The following IL17RB variants were observed in gnomAD, a reference collection of about 807,000 sequenced individuals.
The protein encoded by IL17RB is interleukin-17 receptor B.
Under a neutral mutation model 43.9 loss-of-function variants are expected in IL17RB, and 36 were observed. The ratio of observed to expected loss-of-function variants is 0.82; its 90% CI spans 0.63 to 1.08. The LOEUF is 1.08. Among genes scored for constraint, IL17RB ranks in the 50% least tolerant of loss-of-function variants. The pLI is 0.00. For synonymous variants in IL17RB, 225 were observed against 225.4 expected (o/e 1.00, Z 0.02); for missense variants, 613 against 613.6 (o/e 1.00, Z 0.01).
At chr3:53,847,212 C>A (rs554996640) in intron 1 of IL17RB, among the ~76,000 whole-genome samples, 4 of 152,104 alleles carry the variant, frequency 2.6e-5, no homozygotes, top group Non-Finnish European at 5.9e-5. Flanking sequence ...GATACCGCTG[C>A]CCTCTTAGAA....
rs1699026487 is a variant in IL17RB, at chr3:53,848,682, G to A, written c.79G>A (p.Glu27Lys). 6.2e-7 allele frequency: 1 copy of A among 1,614,006 alleles called. No individual in the cohort carries two copies. ...PREPTVQCGSETGPSPEWMLQ... is the reference protein window; with the variant it reads ...PREPTVQCGSKTGPSPEWMLQ... ...CCCACAGACCGTTCAATGTGGCTCT[G>A]AAACTGGTAGGTGCATTAGAGAATG... is the stretch of plus-strand genomic sequence containing the variant. Residue 27 changes from glutamate (E) to lysine (K), a missense_variant, in exon 2 of 11, where the codon GAA becomes AAA. By Grantham distance (56) the Glu-to-Lys change is moderately conservative (BLOSUM62 1). Coordinates refer to ENST00000288167, the MANE Select transcript of IL17RB (RefSeq NM_018725.4).
intron 1 of IL17RB, 98 bp downstream of exon 1, chr3:53,846,746 C>T: frequency 3.1e-6 from 4 of 1,287,204 alleles, no homozygotes; most frequent in African/African-American, 1.5e-5. Context: ...CGAAGGCGTG[C>T]GCGGACTGCC....
At chr3:53,850,529 C>T (rs894738587) in intron 3 of IL17RB, among the ~76,000 whole-genome samples, 8 of 132,236 alleles carry the variant, frequency 6.0e-5, no homozygotes, top group South Asian at 2.5e-4. Flanking sequence ...AAAGACCAGG[C>T]GTGGTGGCGC....
intron 10 of IL17RB, 64 bp from the exon 11 acceptor site, chr3:53,864,682 G>T: frequency 8.1e-7 from 1 of 1,239,834 alleles, no homozygotes; most frequent in South Asian, 1.4e-5. Context: ...GTCAGGGATG[G>T]TTTACAGAGT....
intron 5 of IL17RB, among the ~76,000 whole-genome samples, 189 bp from the exon 6 acceptor site, chr3:53,855,105 A>C (rs1279699422): frequency 5.8e-5 from 8 of 138,874 alleles, no homozygotes; most frequent in Non-Finnish European, 1.1e-4. Context: ...CGACAGAGCA[A>C]GACTCCGGCT....
At position 53,858,828 on chromosome 3, in the gene IL17RB, C is replaced by A; in HGVS notation, c.847+10C>A. The A allele has an allele frequency of 2.5e-6, 4 of 1,600,810 alleles. No individual in the cohort carries two copies. Among genetic ancestry groups the A allele is most frequent in the Non-Finnish European group, 3.4e-6 (4 of 1,168,004 alleles). Reference sequence around the variant, plus strand: ...TTCCCTCTGGATAACAGTAAGTGCCCAGTAACTTCAACCAGATGATCAAAG... The same window carrying A: ...TTCCCTCTGGATAACAGTAAGTGCCAAGTAACTTCAACCAGATGATCAAAG... On this transcript the variant is annotated intron_variant, in intron 9 of 10. Coordinates refer to ENST00000288167, the MANE Select transcript of IL17RB (RefSeq NM_018725.4).
Position 53,860,151 on chromosome 3 carries a change from G to A in IL17RB, c.869G>A (p.Trp290Ter), listed in dbSNP as rs1333692363. 1.2e-6 allele frequency: 2 copies of A among 1,614,000 alleles called. No individual in the cohort carries two copies. Among genetic ancestry groups the A allele is most frequent in the Admixed American group, 1.7e-5 (1 of 60,028 alleles). The change falls in exon 10 of 11, where the codon TGG becomes TAG. Residue 290 changes from tryptophan to a stop codon, truncating the protein, a stop_gained. Transcript: ENST00000288167. LOFTEE classifies it high-confidence loss of function. ...CCAGACAAAAGCAAGCCGGGAGGCT[G>A]GCTGCCTCTCCTCCTGCTGTCTCTG... is the stretch of plus-strand genomic sequence containing the variant. ...LDNNKSKPGG[W>*]LPLLLLSLLV... is the part of the protein sequence containing the mutation.
At chr3:53,863,528 C>A (rs1699648941) in intron 10 of IL17RB, among the ~76,000 whole-genome samples, 1 of 152,180 alleles carries the variant, frequency 6.6e-6, no homozygotes, top group Non-Finnish European at 1.5e-5. Flanking sequence ...GCACCTGGAC[C>A]TCAGGAATTC....
At position 53,858,739 on chromosome 3, in the gene IL17RB, T is replaced by C. The variant is rs1699445149; in HGVS notation, c.768T>C (p.Thr256=). Residue 256 remains threonine (T), a synonymous_variant, in exon 9 of 11, where the codon ACT becomes ACC. Transcript: ENST00000288167. ...ATVQLTPYFP[T]CGSDCIRHKG... Reference sequence around the variant, plus strand: ...CTCAGCTGACTCCATATTTTCCTACTTGTGGCAGCGACTGCATCCGACATA... The same window carrying C: ...CTCAGCTGACTCCATATTTTCCTACCTGTGGCAGCGACTGCATCCGACATA... 1 of 1,614,166 alleles carries C rather than the reference T, an allele frequency of 6.2e-7. No homozygotes were observed.
At chr3:53,858,577 G>C in intron 8 of IL17RB, 142 bp from the exon 9 acceptor site, 3 of 1,453,082 alleles carry the variant, frequency 2.1e-6, no homozygotes, top group Non-Finnish European at 2.7e-6. Context: ...ACAGATGTGT[G>C]ACCAAGGGGA....
At chr3:53,859,084 G>A in intron 9 of IL17RB, 1 of 337,712 alleles carries the variant, frequency 3.0e-6, no homozygotes, top group Non-Finnish European at 5.4e-6. Context: ...GTGCAAAATG[G>A]ATGTTCTGAG....
chr3:53,859,905 C>A, intron 9 of IL17RB: 1 of 424,824 alleles, frequency 2.4e-6, no homozygotes, highest in Non-Finnish European at 4.3e-6. Context: ...CCCAGCTACT[C>A]AGGAGGCTGA....
intron 3 of IL17RB, among the ~76,000 whole-genome samples, chr3:53,850,251 C>T (rs961868849): frequency 6.6e-6 from 1 of 152,178 alleles, no homozygotes; most frequent in African/African-American, 2.4e-5. Flanking sequence ...AATCCCAGCA[C>T]TTTGGGAGGC....
chr3:53,849,764 G>A lies in IL17RB; in HGVS notation c.195G>A (p.Leu65=), dbSNP rs1382810091. Residue 65 remains leucine (L), a synonymous_variant, in exon 3 of 11, where the codon TTG becomes TTA. Coordinates refer to ENST00000288167, the MANE Select transcript of IL17RB (RefSeq NM_018725.4). ...TTGCAACAGGGGACTATTCAATTTTGATGAATGTAAGCTGGGTACTCCGGG... is the reference window on the plus strand; with the variant it reads ...TTGCAACAGGGGACTATTCAATTTTAATGAATGTAAGCTGGGTACTCCGGG... ...TSVATGDYSI[L]MNVSWVLRAD... 6.2e-7 allele frequency: 1 copy of A among 1,611,042 alleles called. No homozygotes were observed. Among genetic ancestry groups the A allele is most frequent in the Admixed American group, 1.7e-5 (1 of 59,674 alleles).
At chr3:53,853,068 G>T in intron 5 of IL17RB, 71 bp downstream of exon 5, 1 of 1,584,552 alleles carries the variant, frequency 6.3e-7, no homozygotes. Flanking sequence ...CACAGAGAGA[G>T]CCCAGGGAAC....
intron 6 of IL17RB, among the ~76,000 whole-genome samples, chr3:53,855,713 C>G (rs1325211757): frequency 6.6e-6 from 1 of 152,182 alleles, no homozygotes; most frequent in African/African-American, 2.4e-5. Context: ...GATGCTAGCA[C>G]CACCCACCTG....
chr3:53,847,068 C>T (rs1261818191), intron 1 of IL17RB, among the ~76,000 whole-genome samples: 1 of 152,148 alleles, frequency 6.6e-6, no homozygotes, highest in South Asian at 2.1e-4. Flanking sequence ...GTACCCCCTC[C>T]CTTTTTGGCC....
At chr3:53,863,690 C>T (rs962087208) in intron 10 of IL17RB, among the ~76,000 whole-genome samples, 1 of 152,114 alleles carries the variant, frequency 6.6e-6, no homozygotes, top group Non-Finnish European at 1.5e-5. Context: ...GAAACTCTAC[C>T]ACCTGCAGGT....
chr3:53,854,111 A>G (rs1699251295), intron 5 of IL17RB, among the ~76,000 whole-genome samples: 1 of 152,026 alleles, frequency 6.6e-6, no homozygotes, highest in Non-Finnish European at 1.5e-5. Flanking sequence ...TGGCTAGGCT[A>G]GTCTCAAACT....
Sources: allele counts gnomAD v4.1 joint callset (sites outside exome capture counted in the v4.1 genomes callset), GRCh38; gene constraint gnomAD v4.1.1; transcripts MANE v1.5; gene names NCBI Gene and HGNC (gene_info 2026-07-23, HGNC 2026-07-21).